Variants in CLSTN1 observed in about 807,000 individuals in gnomAD.
CLSTN1 encodes calsyntenin-1.
A neutral mutation model predicts 108.3 loss-of-function variants in CLSTN1; 28 were observed. The ratio of observed to expected loss-of-function variants is 0.26; its 90% CI spans 0.19 to 0.35. The LOEUF (loss-of-function observed/expected upper bound fraction) is 0.35. Ranked by LOEUF, CLSTN1 falls within the 10% of genes least tolerant of loss-of-function variation. The pLI, the probability that CLSTN1 is intolerant of heterozygous loss-of-function variation, is 1.00. For missense variants in CLSTN1, 1,157 were observed against 1,302.6 expected (o/e 0.89, Z 1.72); for synonymous variants, 524 against 534.9 (o/e 0.98, Z 0.28).
At chr1:9,813,812 C>T (rs1654864287) in intron 1 of CLSTN1, among the ~76,000 whole-genome samples, 1 of 151,986 alleles carries the variant, frequency 6.6e-6, no homozygotes, top group South Asian at 2.1e-4. Flanking sequence ...ATATAAGAAA[C>T]ATGTTGGCTG....
chr1:9,735,604 G>T lies in CLSTN1; in HGVS notation c.1746C>A (p.His582Gln), dbSNP rs1359412590. ...DSGRGVQIQA[H>Q]PSQLVLTLEG... Reference sequence around the variant, plus strand: ...CCAAGGTCAATACCAACTGGCTGGGGTGTGCTTGGATCTGAAATCACACCA... The same window carrying T: ...CCAAGGTCAATACCAACTGGCTGGGTTGTGCTTGGATCTGAAATCACACCA... Residue 582 changes from histidine to glutamine, a missense_variant, in exon 13 of 19, where the codon CAC becomes CAA. Physicochemically the swap from His to Gln is conservative, Grantham distance 24. Coordinates refer to ENST00000377298, the MANE Select transcript of CLSTN1 (RefSeq NM_001009566.3). The T allele has an allele frequency of 2.5e-6, 4 of 1,614,020 alleles. No individual in the cohort carries two copies. The South Asian group carries it at 3.3e-5, about 13-fold the overall frequency.
chr1:9,816,533 C>CTT lies in CLSTN1; in HGVS notation c.91+7108_91+7109dup, dbSNP rs369929448. Among the ~76,000 whole-genome samples, 692 of 134,926 alleles carry CTT rather than the reference C, an allele frequency of 5.1e-3. 2 individuals carry two copies. The highest frequency in any genetic ancestry group is 0.018 in the African/African-American group (624 of 34,688). The allele number at this position is 134,926 out of a possible 152,430, so 88.5% of individuals were successfully genotyped here. A position where few individuals can be genotyped will look rare whatever the true frequency, so the allele number is the denominator to read the frequency against. On this transcript the variant is annotated intron_variant, in intron 1 of 18. Transcript: ENST00000377298. Reference sequence around the variant, plus strand: ...TGTGAACTATACCTCAATAAAGCTGCTTTAAAAAAAAAAAAAAAAAGGAGT... The same window carrying CTT: ...TGTGAACTATACCTCAATAAAGCTGCTTTTTAAAAAAAAAAAAAAAAAGGAGT...
chr1:9,781,947 G>A (rs1653270996), intron 1 of CLSTN1, among the ~76,000 whole-genome samples: 1 of 152,228 alleles, frequency 6.6e-6, no homozygotes, highest in Middle Eastern at 3.4e-3. Flanking sequence ...ACTTTGAATT[G>A]TTTATGCATT....
At position 9,731,846 on chromosome 1, in the gene CLSTN1, A is replaced by G; in HGVS notation, c.2478T>C (p.Ala826=). The change falls in exon 17 of 19, where the codon GCT becomes GCC. Residue 826 remains alanine, a synonymous_variant. Transcript: ENST00000377298. Reference sequence around the variant, plus strand: ...CCGGGTGCACGAACTGTGGCTGGGCAGCCATGTGGTTGGCGTGTTCCATGG... The same window carrying G: ...CCGGGTGCACGAACTGTGGCTGGGCGGCCATGTGGTTGGCGTGTTCCATGG... The part of the protein sequence containing the change: ...ANPMEHANHM[A]AQPQFVHPEH... 6.2e-7 allele frequency: 1 copy of G among 1,614,150 alleles called. No individual in the cohort carries two copies. The highest frequency in any genetic ancestry group is 8.5e-7 in the Non-Finnish European group (1 of 1,180,018).
At chr1:9,737,655 TGAA>T in intron 10 of CLSTN1, 101 bp from the exon 11 acceptor site, 1 of 1,025,352 alleles carries the variant, frequency 9.8e-7, no homozygotes, top group Non-Finnish European at 1.5e-6. Context: ...CTATAAAACA[TGAA>T]GAGAAAATTC....
intron 1 of CLSTN1, among the ~76,000 whole-genome samples, chr1:9,813,498 C>CAA (rs200184305): frequency 1.2e-4 from 14 of 114,404 alleles, no homozygotes; most frequent in Admixed American, 5.4e-4. Context: ...GACTCTGTCT[C>CAA]AAAAAAAAAA....
At chr1:9,793,950 A>G (rs1039735167) in intron 1 of CLSTN1, among the ~76,000 whole-genome samples, 4 of 151,484 alleles carry the variant, frequency 2.6e-5, no homozygotes, top group East Asian at 2.0e-4. Context: ...ACCTTCCCCC[A>G]TAAGTGCTCA....
chr1:9,774,745 G>A (rs1034653272), intron 1 of CLSTN1, among the ~76,000 whole-genome samples: 3 of 151,938 alleles, frequency 2.0e-5, no homozygotes, highest in African/African-American at 4.8e-5. Context: ...CAAGTCCACA[G>A]AGTCAAGTGA....
chr1:9,803,403 G>A (rs767360993), intron 1 of CLSTN1, among the ~76,000 whole-genome samples: 1 of 152,148 alleles, frequency 6.6e-6, no homozygotes, highest in Admixed American at 6.6e-5. Flanking sequence ...ACAGGCCCAC[G>A]CACAGATATT....
At chr1:9,780,013 C>T (rs187467629) in intron 1 of CLSTN1, among the ~76,000 whole-genome samples, 1 of 151,944 alleles carries the variant, frequency 6.6e-6, no homozygotes, top group African/African-American at 2.4e-5. Context: ...TCACCACACT[C>T]GGCTAATTTT....
At chr1:9,800,825 G>C (rs1654232663) in intron 1 of CLSTN1, among the ~76,000 whole-genome samples, 1 of 151,948 alleles carries the variant, frequency 6.6e-6, no homozygotes, top group South Asian at 2.1e-4. Flanking sequence ...TGTAATCCCA[G>C]CTATTCAGGA....
intron 1 of CLSTN1, among the ~76,000 whole-genome samples, chr1:9,808,659 G>T (rs759571392): frequency 5.3e-5 from 8 of 152,058 alleles, no homozygotes; most frequent in Admixed American, 1.3e-4. Context: ...GGTTTACCCA[G>T]GCCTGGGGAC....
At chr1:9,743,267 T>C (rs1651070653) in intron 9 of CLSTN1, among the ~76,000 whole-genome samples, 1 of 152,204 alleles carries the variant, frequency 6.6e-6, no homozygotes, top group Non-Finnish European at 1.5e-5. Flanking sequence ...TCACAGCAAC[T>C]GCTAGAAAAT....
At chr1:9,744,905 C>A (rs61785185) in intron 7 of CLSTN1, among the ~76,000 whole-genome samples, 2,901 of 152,170 alleles carry the variant, frequency 0.019, 48 homozygotes, top group Middle Eastern at 0.037. Flanking sequence ...AGGCGCGCCC[C>A]ATTAAAACTG....
intron 1 of CLSTN1, among the ~76,000 whole-genome samples, chr1:9,809,355 CCTT>C (rs1654634259): frequency 6.6e-6 from 1 of 152,222 alleles, no homozygotes; most frequent in South Asian, 2.1e-4. Context: ...ATAATTCACT[CCTT>C]CAATCTCTGC....
chr1:9,774,818 G>A (rs967854930), intron 1 of CLSTN1, among the ~76,000 whole-genome samples: 4 of 152,152 alleles, frequency 2.6e-5, no homozygotes, highest in Non-Finnish European at 4.4e-5. Flanking sequence ...GAGCAGCCCT[G>A]AGGGCTGCTG....
intron 11 of CLSTN1, among the ~76,000 whole-genome samples, chr1:9,737,191 C>T (rs894963961): frequency 1.3e-5 from 2 of 151,840 alleles, no homozygotes; most frequent in Non-Finnish European, 2.9e-5. Flanking sequence ...GAGGCGGCCT[C>T]CCAAACCCTG....
intron 2 of CLSTN1, among the ~76,000 whole-genome samples, chr1:9,772,278 G>A (rs753733915): frequency 5.3e-5 from 8 of 150,336 alleles, no homozygotes; most frequent in East Asian, 4.0e-4. Context: ...CACTGTGCCC[G>A]GCCAGAACAC....
chr1:9,756,615 C>A, intron 2 of CLSTN1, 105 bp from the exon 3 acceptor site: 2 of 889,100 alleles, frequency 2.2e-6, no homozygotes, highest in South Asian at 1.7e-5. Flanking sequence ...ATTTCCACAC[C>A]AAGCTCAGCG....
Sources: gnomAD v4.1 joint callset for allele counts (sites outside exome capture counted in the v4.1 genomes callset) on GRCh38, gnomAD v4.1.1 for gene constraint, MANE v1.5 for transcripts, NCBI Gene and HGNC (gene_info 2026-07-23, HGNC 2026-07-21) for gene names.